The following ADAMTSL1 variants were observed in gnomAD, a reference collection of about 807,000 sequenced individuals.
The protein encoded by ADAMTSL1 is ADAMTS like 1.
ADAMTSL1 carries 126 observed loss-of-function variants against 201.8 expected under a neutral mutation model. The ratio of observed to expected loss-of-function variants is 0.62; its 90% confidence interval spans 0.54 to 0.72. ADAMTSL1 has a LOEUF of 0.72. Among genes scored for constraint, ADAMTSL1 ranks in the 30% least tolerant of loss-of-function variants. ADAMTSL1 has a pLI of 0.00. For synonymous variants in ADAMTSL1, 1,121 were observed against 903.4 expected (o/e 1.24, Z -4.32); for missense variants, 2,679 against 2,277.8 (o/e 1.18, Z -3.59).
chr9:18,266,072 C>T (rs192404688), intron 2 of ADAMTSL1, among the ~76,000 whole-genome samples: 8 of 152,208 alleles, frequency 5.3e-5, no homozygotes, highest in African/African-American at 1.7e-4. Context: ...TTTATAAAGA[C>T]CACTCTGGCT....
At chr9:18,857,723 A>C (rs1173870444) in intron 23 of ADAMTSL1, among the ~76,000 whole-genome samples, 1 of 152,172 alleles carries the variant, frequency 6.6e-6, no homozygotes, top group Non-Finnish European at 1.5e-5. Context: ...ACTGTGGCAA[A>C]TATCTCATTC....
At chr9:18,175,912 C>A (rs967610811) in intron 2 of ADAMTSL1, among the ~76,000 whole-genome samples, 2 of 140,700 alleles carry the variant, frequency 1.4e-5, no homozygotes, top group African/African-American at 5.4e-5. Context: ...GATGGAAGAC[C>A]AAGAAGGGAA....
chr9:18,354,180 A>T (rs559233420), intron 2 of ADAMTSL1, among the ~76,000 whole-genome samples: 27 of 151,448 alleles, frequency 1.8e-4, no homozygotes, highest in African/African-American at 6.5e-4. Context: ...ATACATATTT[A>T]TATTATCTTT....
At chr9:18,846,473 A>C (rs1369338316) in intron 23 of ADAMTSL1, among the ~76,000 whole-genome samples, 1 of 152,160 alleles carries the variant, frequency 6.6e-6, no homozygotes, top group Non-Finnish European at 1.5e-5. Context: ...TTTTGGTCAG[A>C]GGTAAGGGGG....
intron 1 of ADAMTSL1, among the ~76,000 whole-genome samples, chr9:17,936,518 G>T (rs927474363): frequency 3.3e-5 from 5 of 152,182 alleles, no homozygotes; most frequent in African/African-American, 4.8e-5. Flanking sequence ...AAGGCAGGAG[G>T]TTGAACCAGT....
chr9:18,584,235 G>A (rs757205782), intron 4 of ADAMTSL1, among the ~76,000 whole-genome samples: 33 of 152,068 alleles, frequency 2.2e-4, no homozygotes, highest in Non-Finnish European at 3.5e-4. Context: ...TCTTTCCTGC[G>A]CTGTTCTCGT....
chr9:18,324,597 T>G (rs1834754565), intron 2 of ADAMTSL1, among the ~76,000 whole-genome samples: 1 of 151,908 alleles, frequency 6.6e-6, no homozygotes, highest in Non-Finnish European at 1.5e-5. Context: ...AAATCTCGTC[T>G]CTACTAAAAA....
intron 2 of ADAMTSL1, among the ~76,000 whole-genome samples, chr9:18,339,958 G>A (rs1394340062): frequency 6.6e-6 from 1 of 152,048 alleles, no homozygotes; most frequent in Non-Finnish European, 1.5e-5. Context: ...TTTGCAAACT[G>A]GATTTTCCCC....
intron 1 of ADAMTSL1, among the ~76,000 whole-genome samples, chr9:18,153,521 A>C (rs142745937): frequency 1.2e-4 from 18 of 152,160 alleles, no homozygotes; most frequent in Non-Finnish European, 2.2e-4. Flanking sequence ...CAGTAGTCCT[A>C]ATCTGTGGAG....
intron 20 of ADAMTSL1, among the ~76,000 whole-genome samples, chr9:18,811,599 C>G (rs983524048): frequency 6.6e-6 from 1 of 152,192 alleles, no homozygotes; most frequent in African/African-American, 2.4e-5. Context: ...GCTCCCAAGC[C>G]TGAGTGGTTT....
Position 18,901,384 on chromosome 9 carries a change from G to C in ADAMTSL1, c.4852-4398G>C, listed in dbSNP as rs7848851. Among the ~76,000 whole-genome samples, 174 of 152,054 alleles carry C rather than the reference G, an allele frequency of 1.1e-3. 1 individual carries two copies. The highest frequency in any genetic ancestry group is 4.0e-3 in the African/African-American group (166 of 41,452). On this transcript the variant is annotated intron_variant, in intron 26 of 28. Transcript: ENST00000380548. ...GACTCTCCAATAAAGGTAAATAGAC[G>C]GGCAGACATTAAAACCAGTATTATT...
intron 2 of ADAMTSL1, among the ~76,000 whole-genome samples, chr9:18,260,819 A>G (rs972941759): frequency 6.6e-6 from 1 of 151,650 alleles, no homozygotes; most frequent in African/African-American, 2.4e-5. Context: ...TATATTTAAA[A>G]CTGTAATGCT....
chr9:18,255,058 A>G (rs1460608473), intron 2 of ADAMTSL1, among the ~76,000 whole-genome samples: 3 of 152,176 alleles, frequency 2.0e-5, no homozygotes, highest in African/African-American at 7.2e-5. Context: ...TAAATGTTTG[A>G]GTGAAAGTTT....
At chr9:18,728,485 A>T (rs1818032400) in intron 15 of ADAMTSL1, among the ~76,000 whole-genome samples, 1 of 152,214 alleles carries the variant, frequency 6.6e-6, no homozygotes, top group South Asian at 2.1e-4. Flanking sequence ...ACACACACAC[A>T]TAACAAGCAT....
intron 6 of ADAMTSL1, among the ~76,000 whole-genome samples, chr9:18,637,749 C>T (rs1246107545): frequency 1.3e-5 from 2 of 152,032 alleles, no homozygotes; most frequent in African/African-American, 2.4e-5. Flanking sequence ...TCTTCACTCC[C>T]AGAAGCTGGT....
In ADAMTSL1 at chr9:17,967,937, C is replaced by T. The variant is rs577357328; in HGVS notation, c.87+61015C>T. ...GCCAATAGACAGGGTGTGTAACTTG[C>T]TCTTGGCCTTGCTCACTGACCACTT... On this transcript the variant is annotated intron_variant, in intron 1 of 29. Coordinates refer to the ADAMTSL1 transcript ENST00000680146. Among the ~76,000 whole-genome samples the T allele has an allele frequency of 2.6e-4, 39 of 152,194 alleles. No individual in the cohort carries two copies. In the South Asian group the frequency reaches 7.5e-3, roughly 29 times the overall value.
At chr9:18,248,201 G>A (rs1305462555) in intron 2 of ADAMTSL1, among the ~76,000 whole-genome samples, 3 of 152,086 alleles carry the variant, frequency 2.0e-5, no homozygotes, top group South Asian at 4.1e-4. Flanking sequence ...GAGCATTCAC[G>A]TTGCTCATTC....
intron 1 of ADAMTSL1, among the ~76,000 whole-genome samples, chr9:18,075,999 C>A (rs1823206480): frequency 6.6e-6 from 1 of 152,160 alleles, no homozygotes; most frequent in Non-Finnish European, 1.5e-5. Context: ...AAAACTGTTA[C>A]ACAATTTAAA....
chr9:18,844,273 G>C (rs144101656), intron 23 of ADAMTSL1, among the ~76,000 whole-genome samples: 5,814 of 152,278 alleles, frequency 0.038, 153 homozygotes, highest in South Asian at 0.092. Flanking sequence ...CTCAGCTGCA[G>C]GTCTGTTGGA....
Sources: gnomAD v4.1 joint callset for allele counts (sites outside exome capture counted in the v4.1 genomes callset) on GRCh38, gnomAD v4.1.1 for gene constraint, MANE v1.5 for transcripts, NCBI Gene and HGNC (gene_info 2026-07-23, HGNC 2026-07-21) for gene names.